The following ADAM17 variants were observed in gnomAD, a reference collection of about 807,000 sequenced individuals.
ADAM17 encodes the protein disintegrin and metalloproteinase domain-containing protein 17.
Under a neutral mutation model 96.7 loss-of-function variants are expected in ADAM17, and 39 were observed. That is an observed-to-expected ratio of 0.40 (90% confidence interval 0.31 to 0.53). The LOEUF is 0.53. ADAM17 is among the 20% of genes least tolerant of loss of function. The pLI is 0.44. For missense variants in ADAM17, 777 were observed against 1,013.2 expected (o/e 0.77, Z 3.17); for synonymous variants, 344 against 359.2 (o/e 0.96, Z 0.48).
chr2:9,495,736 C>A (rs1662536079), intron 14 of ADAM17, among the ~76,000 whole-genome samples: 1 of 151,152 alleles, frequency 6.6e-6, no homozygotes, highest in African/African-American at 2.4e-5. Flanking sequence ...AAAACCTTTT[C>A]ATCATTCACT....
intron 16 of ADAM17, among the ~76,000 whole-genome samples, chr2:9,493,338 G>A (rs574933412): frequency 2.0e-4 from 31 of 152,240 alleles, no homozygotes; most frequent in Admixed American, 3.3e-4. Flanking sequence ...TTATGGACTC[G>A]TGACAACATG....
rs1317186668 is a variant in ADAM17, at chr2:9,541,100, G to A, written c.230+2053C>T. Among the ~76,000 whole-genome samples, 4 of 152,096 alleles carry A rather than the reference G, an allele frequency of 2.6e-5. No individual in the cohort carries two copies. In the East Asian group the frequency reaches 7.7e-4, roughly 29 times the overall value. On this transcript the variant is annotated intron_variant, in intron 2 of 18. Coordinates refer to ENST00000310823, the MANE Select transcript of ADAM17 (RefSeq NM_003183.6). ...GATACTCACTAGAGCACTGTTTGTT[G>A]TATTAAAAAAATCACTTTGGTTAAA...
intron 11 of ADAM17, among the ~76,000 whole-genome samples, chr2:9,506,413 C>T (rs747516556): frequency 2.3e-5 from 3 of 131,106 alleles, no homozygotes; most frequent in Non-Finnish European, 4.6e-5. Context: ...TGTCACCAGG[C>T]TGGACTACAG....
intron 8 of ADAM17, among the ~76,000 whole-genome samples, chr2:9,520,883 G>C (rs1175301657): frequency 4.1e-5 from 6 of 146,320 alleles, no homozygotes; most frequent in East Asian, 2.0e-4. Context: ...AGAATCTCTT[G>C]AACCTGGGAG....
At position 9,555,681 on chromosome 2, in the gene ADAM17, G is replaced by T; in HGVS notation, c.-76C>A. On this transcript the variant is annotated 5_prime_UTR_variant, in exon 1 of 19. Transcript: ENST00000310823. ...GGGGTTTCGGAAAACTGCTCACATC[G>T]GGGGAGGACGGGATCCGCCCGGCCT... is the stretch of plus-strand genomic sequence containing the variant. 8.1e-7 allele frequency: 1 copy of T among 1,234,150 alleles called. No individual in the cohort carries two copies. The highest frequency in any genetic ancestry group is 1.1e-6 in the Non-Finnish European group (1 of 901,268). 76.4% of individuals were successfully genotyped at this position (1,234,150 alleles called of 1,614,324 possible).
intron 4 of ADAM17, among the ~76,000 whole-genome samples, chr2:9,528,212 A>G (rs1052421857): frequency 6.6e-6 from 1 of 152,250 alleles, no homozygotes; most frequent in Non-Finnish European, 1.5e-5. Context: ...CACGTTGTGA[A>G]ATCTTTCAGA....
chr2:9,533,466 G>GA (rs1664835204), intron 4 of ADAM17, among the ~76,000 whole-genome samples: 1 of 151,558 alleles, frequency 6.6e-6, no homozygotes, highest in Non-Finnish European at 1.5e-5. Context: ...AGAATGGCTT[G>GA]AACCCAGGAG....
At position 9,501,462 on chromosome 2, in the gene ADAM17, A is replaced by G. The variant is rs1663000812; in HGVS notation, c.1648+711T>C. On this transcript the variant is annotated intron_variant, in intron 13 of 18. Coordinates refer to ENST00000310823, the MANE Select transcript of ADAM17 (RefSeq NM_003183.6). Reference sequence around the variant, plus strand: ...GAGAAACACACAGGTTCCTGAAGGGACGTAGGAGGATGTGATCTGTGTCCT... The same window carrying G: ...GAGAAACACACAGGTTCCTGAAGGGGCGTAGGAGGATGTGATCTGTGTCCT... 2.0e-5 allele frequency among the ~76,000 whole-genome samples: 3 copies of G among 152,152 alleles called. No individual in the cohort carries two copies. In the South Asian group the frequency reaches 6.2e-4, roughly 32 times the overall value.
At chr2:9,522,227 C>A in intron 7 of ADAM17, 2 of 388,212 alleles carry the variant, frequency 5.2e-6, no homozygotes. Flanking sequence ...AATGAAAAAG[C>A]AAGGTGTAAA....
At chr2:9,495,878 T>A (rs925164517) in intron 14 of ADAM17, among the ~76,000 whole-genome samples, 182 of 142,860 alleles carry the variant, frequency 1.3e-3, no homozygotes, top group African/African-American at 3.8e-3. Context: ...TTTTTTTTTT[T>A]AAGAGGTGAG....
At chr2:9,550,098 C>A (rs781407534) in intron 1 of ADAM17, among the ~76,000 whole-genome samples, 1 of 152,132 alleles carries the variant, frequency 6.6e-6, no homozygotes, top group Non-Finnish European at 1.5e-5. Flanking sequence ...CCAAAACACA[C>A]AGGACAGGGA....
chr2:9,510,479 C>T (rs1663674711), intron 10 of ADAM17, among the ~76,000 whole-genome samples: 1 of 151,944 alleles, frequency 6.6e-6, no homozygotes, highest in African/African-American at 2.4e-5. Flanking sequence ...GCCTGGCCAA[C>T]ATGGTGAAAC....
At chr2:9,513,906 G>A (rs745577467) in intron 10 of ADAM17, among the ~76,000 whole-genome samples, 2 of 150,798 alleles carry the variant, frequency 1.3e-5, no homozygotes, top group East Asian at 2.0e-4. Context: ...AGCTGCTCAG[G>A]AGAAAGAGGC....
intron 1 of ADAM17, among the ~76,000 whole-genome samples, chr2:9,544,249 C>T (rs1336888370): frequency 6.6e-6 from 1 of 152,146 alleles, no homozygotes; most frequent in Non-Finnish European, 1.5e-5. Context: ...TCAAAAGTTT[C>T]CCAAATGAGG....
intron 13 of ADAM17, among the ~76,000 whole-genome samples, chr2:9,499,116 T>C (rs1012112278): frequency 3.0e-4 from 11 of 36,692 alleles, no homozygotes; most frequent in Admixed American, 5.7e-4. Context: ...TCTTCTTCTT[T>C]TTTTTTTTTT....
rs754268931 is a variant in ADAM17, at chr2:9,555,575, C to T, written c.31G>A (p.Val11Met). The T allele has an allele frequency of 1.3e-6, 2 of 1,599,024 alleles. No homozygotes were observed. The highest frequency in any genetic ancestry group is 1.1e-5 in the South Asian group (1 of 88,614). MRQSLLFLTS[V>M]VPFVLAPRPP... The stretch of plus-strand genomic sequence containing the variant: ...CGCGGCGCCAGCACGAAAGGAACCA[C>T]GCTGGTCAGGAATAGGAGAGACTGC... Residue 11 changes from valine (V) to methionine (M), a missense_variant, in exon 1 of 19, where the codon GTG becomes ATG. By Grantham distance (21) the Val-to-Met change is conservative (BLOSUM62 1). Transcript: ENST00000310823.
intron 1 of ADAM17, among the ~76,000 whole-genome samples, chr2:9,553,551 T>C (rs1297282883): frequency 6.6e-6 from 1 of 151,614 alleles, no homozygotes; most frequent in Admixed American, 6.6e-5. Flanking sequence ...GGCACATGCC[T>C]GTAATCCCAG....
In ADAM17 at chr2:9,490,200, C is replaced by G. The variant is rs142315365; in HGVS notation, c.2452G>C (p.Asp818His). 1.9e-6 allele frequency: 3 copies of G among 1,597,070 alleles called. No homozygotes were observed. The highest frequency in any genetic ancestry group is 2.7e-5 in the African/African-American group (2 of 74,652). Residue 818 changes from aspartate to histidine, a missense_variant, in exon 19 of 19, where the codon GAC becomes CAC. Asp to His is a moderately conservative substitution (Grantham distance 81). Around this residue, in one of 3 missense-constraint regions of ADAM17, gnomAD observed 197 missense variants for 219.4 expected, o/e 0.90. Transcript: ENST00000310823. ...SFKLQRQNRVDSKETEC is the reference protein window; with the variant it reads ...SFKLQRQNRVHSKETEC ...AATTAGCACTCTGTTTCTTTGCTGT[C>G]AACACGATTCTGACGCTGCAGTTTA...
chr2:9,539,956 T>C (rs535516489), intron 2 of ADAM17, among the ~76,000 whole-genome samples: 10 of 152,344 alleles, frequency 6.6e-5, no homozygotes, highest in Middle Eastern at 3.4e-3. Context: ...GTTAGATAAA[T>C]TTCCCATTAA....
Sources: gnomAD v4.1 joint callset for allele counts (sites outside exome capture counted in the v4.1 genomes callset) on GRCh38, gnomAD v4.1.1 for gene constraint, gnomAD v4.1.1 regional missense constraint, MANE v1.5 for transcripts, NCBI Gene and HGNC (gene_info 2026-07-23, HGNC 2026-07-21) for gene names.